Variants in RBFOX1 observed in about 807,000 individuals in gnomAD.
RBFOX1 encodes the protein RNA binding protein fox-1 homolog 1.
A neutral mutation model predicts 57.7 loss-of-function variants in RBFOX1; 8 were observed. The ratio of observed to expected loss-of-function variants is 0.14; its 90% CI spans 0.08 to 0.25. The LOEUF is 0.25. RBFOX1 is among the 10% of genes least tolerant of loss of function. The pLI is 1.00. For missense variants in RBFOX1, 611 were observed against 548.5 expected, an observed-to-expected ratio of 1.11 and a Z score of -1.14; for synonymous variants, 326 against 222.4, an observed-to-expected ratio of 1.47 and a Z score of -4.15.
chr16:5,300,718 T>C lies in RBFOX1; in HGVS notation c.219+60613T>C, dbSNP rs1596453794. 2.6e-5 allele frequency among the ~76,000 whole-genome samples: 4 copies of C among 152,338 alleles called. No homozygotes were observed. In the South Asian group the frequency reaches 8.3e-4, roughly 32 times the overall value. On this transcript the variant is annotated intron_variant, in intron 1 of 2. Coordinates refer to the RBFOX1 transcript ENST00000585867. ...ACTTTTCATATTTTCTAGTTGCTTT[T>C]TTTGGTTTTGGTACTTTGTGGTACT...
At chr16:5,710,151 C>T (rs1375244802) in intron 3 of RBFOX1, among the ~76,000 whole-genome samples, 1 of 151,894 alleles carries the variant, frequency 6.6e-6, no homozygotes, top group Non-Finnish European at 1.5e-5. Flanking sequence ...GAAATTCCTA[C>T]TCAGAGCCAT....
At chr16:6,555,509 C>A (rs1023371726) in intron 2 of RBFOX1, among the ~76,000 whole-genome samples, 2 of 152,178 alleles carry the variant, frequency 1.3e-5, no homozygotes, top group African/African-American at 4.8e-5. Flanking sequence ...ACCATCCTGG[C>A]TAACACAGTG....
intron 1 of RBFOX1, among the ~76,000 whole-genome samples, chr16:6,176,731 T>C (rs1214692236): frequency 2.6e-5 from 4 of 152,060 alleles, no homozygotes; most frequent in African/African-American, 9.7e-5. Flanking sequence ...AGATATTGTA[T>C]TGGTTACAAG....
At chr16:6,495,267 C>T (rs886302311) in intron 2 of RBFOX1, among the ~76,000 whole-genome samples, 2 of 152,166 alleles carry the variant, frequency 1.3e-5, no homozygotes, top group African/African-American at 2.4e-5. Context: ...TATAGGTGCC[C>T]GCCACCATGC....
intron 3 of RBFOX1, among the ~76,000 whole-genome samples, chr16:5,818,278 G>A (rs965935305): frequency 6.6e-6 from 1 of 152,190 alleles, no homozygotes; most frequent in African/African-American, 2.4e-5. Context: ...TGGACTGACA[G>A]GGTGAAGACC....
chr16:6,167,280 TC>T (rs2152757612), intron 1 of RBFOX1, among the ~76,000 whole-genome samples: 2 of 152,312 alleles, frequency 1.3e-5, no homozygotes, highest in East Asian at 3.9e-4. Context: ...TTCTTACCTT[TC>T]CAAATTGCAC....
intron 2 of RBFOX1, among the ~76,000 whole-genome samples, chr16:6,526,857 A>AAAAAAAAAAAAAAAAAAAAAC (rs1567560941): frequency 1.5e-5 from 2 of 130,352 alleles, no homozygotes; most frequent in African/African-American, 7.3e-5. Context: ...AAAAAAAAAA[A>AAAAAAAAAAAAAAAAAAAAAC]AACAACCAGA....
intron 4 of RBFOX1, among the ~76,000 whole-genome samples, chr16:5,909,076 C>G (rs1319191466): frequency 6.9e-6 from 1 of 145,588 alleles, no homozygotes; most frequent in African/African-American, 2.5e-5. Context: ...TCGGCTCCAA[C>G]AGACTAAGCC....
intron 2 of RBFOX1, chr16:6,483,438 C>T (rs1451059994): frequency 2.0e-6 from 3 of 1,535,656 alleles, no homozygotes; most frequent in Non-Finnish European, 2.6e-6. Context: ...TTGCTGTTGC[C>T]TCGGACTTCT....
intron 3 of RBFOX1, among the ~76,000 whole-genome samples, chr16:6,835,561 G>A (rs1392513710): frequency 2.0e-5 from 3 of 151,598 alleles, no homozygotes; most frequent in Admixed American, 6.6e-5. Context: ...AGACCAGCCT[G>A]GTCAACATGG....
chr16:6,909,018 A>C lies in RBFOX1; in HGVS notation c.-15-143039A>C, dbSNP rs550565074. Among the ~76,000 whole-genome samples, 3 of 152,210 alleles carry C rather than the reference A, an allele frequency of 2.0e-5. 1 individual carries two copies. Among genetic ancestry groups the C allele is most frequent in the East Asian group, 1.9e-4 (1 of 5,182 alleles). The stretch of plus-strand genomic sequence containing the variant: ...AACATGCTTAGACTTCCATTTCTGT[A>C]GGAGGTTCTTATTGTTGCTATAACT... On this transcript the variant is annotated intron_variant, in intron 3 of 15. Transcript: ENST00000550418.
chr16:7,528,420 T>G (rs2079186379), intron 5 of RBFOX1, among the ~76,000 whole-genome samples: 1 of 152,176 alleles, frequency 6.6e-6, no homozygotes, highest in Admixed American at 6.5e-5. Flanking sequence ...CTGATGTAAG[T>G]GTTTGAAGGA....
chr16:5,552,753 C>T (rs1266748983), intron 2 of RBFOX1, among the ~76,000 whole-genome samples: 9 of 152,126 alleles, frequency 5.9e-5, no homozygotes, highest in Non-Finnish European at 1.3e-4. Flanking sequence ...TAATGGCTTC[C>T]CTTTGCTCTG....
chr16:5,979,239 T>C (rs776112916), intron 4 of RBFOX1, among the ~76,000 whole-genome samples: 1 of 152,172 alleles, frequency 6.6e-6, no homozygotes, highest in Non-Finnish European at 1.5e-5. Context: ...GTTTCTGGAA[T>C]GGAGGATTTT....
In RBFOX1 at chr16:6,242,585, T is replaced by C. The variant is rs796676382; in HGVS notation, c.-126-74410T>C. Among the ~76,000 whole-genome samples, 45 of 150,584 alleles carry C rather than the reference T, an allele frequency of 3.0e-4. 1 individual carries two copies. Among genetic ancestry groups the C allele is most frequent in the African/African-American group, 1.0e-3 (43 of 41,020 alleles). On this transcript the variant is annotated intron_variant, in intron 1 of 15. Transcript: ENST00000550418. ...ATCATCACTTATGCAACTCTCTGCT[T>C]GTTAGGCATTTACGTTCAGTTTGAG...
chr16:5,271,161 C>A (rs984536925), intron 1 of RBFOX1, among the ~76,000 whole-genome samples: 1 of 151,376 alleles, frequency 6.6e-6, no homozygotes, highest in Non-Finnish European at 1.5e-5. Context: ...CCAGCCTGGG[C>A]AACAGAGTGA....
chr16:7,504,432 A>G (rs2072081023), intron 4 of RBFOX1, among the ~76,000 whole-genome samples: 1 of 151,694 alleles, frequency 6.6e-6, no homozygotes, highest in Admixed American at 6.6e-5. Flanking sequence ...GACAACCTCT[A>G]ATTTTGCCTA....
At chr16:6,075,428 A>G (rs771661556) in intron 1 of RBFOX1, among the ~76,000 whole-genome samples, 1 of 152,216 alleles carries the variant, frequency 6.6e-6, no homozygotes, top group Non-Finnish European at 1.5e-5. Flanking sequence ...TACAGAGAAA[A>G]AGCCATGTCT....
chr16:6,210,181 G>A (rs112973809), intron 1 of RBFOX1, among the ~76,000 whole-genome samples: 15,915 of 151,424 alleles, frequency 0.11, 1,010 homozygotes, highest in South Asian at 0.24. Context: ...AGCTAGGCAT[G>A]GTGGTGGGCG....
Sources: allele counts gnomAD v4.1 joint callset (sites outside exome capture counted in the v4.1 genomes callset), GRCh38; gene constraint gnomAD v4.1.1; transcripts MANE v1.5; gene names NCBI Gene and HGNC (gene_info 2026-07-23, HGNC 2026-07-21).